The following WDPCP variants were observed in gnomAD, a reference collection of about 807,000 sequenced individuals.
WDPCP encodes WD repeat-containing and planar cell polarity effector protein fritz homolog.
In WDPCP, 71 loss-of-function variants were observed where a neutral mutation model predicts 93.1. The ratio of observed to expected loss-of-function variants is 0.76; its 90% CI spans 0.63 to 0.93. The LOEUF is 0.93. Ranked by LOEUF, WDPCP falls within the 40% of genes least tolerant of loss-of-function variation. The probability of loss-of-function intolerance (pLI) is 0.00; values close to 1 mark genes in which losing one functional copy is unlikely to be tolerated. For missense variants in WDPCP, 844 were observed against 887.4 expected (o/e 0.95, Z 0.62); for synonymous variants, 315 against 315.0 (o/e 1.00, Z 0.00).
At chr2:63,617,719 G>A (rs1558867538) in intron 3 of WDPCP, among the ~76,000 whole-genome samples, 4 of 152,104 alleles carry the variant, frequency 2.6e-5, no homozygotes, top group Admixed American at 2.6e-4. Flanking sequence ...CTTTACTAAT[G>A]AAAATTTCCT....
intron 1 of WDPCP, among the ~76,000 whole-genome samples, chr2:63,575,415 TAC>T (rs1422100172): frequency 8.9e-6 from 1 of 112,912 alleles, no homozygotes; most frequent in African/African-American, 4.6e-5. Flanking sequence ...ATACAGTATA[TAC>T]ACTGTATACA....
intron 13 of WDPCP, among the ~76,000 whole-genome samples, chr2:63,264,728 T>C (rs1239563503): frequency 6.6e-6 from 1 of 152,154 alleles, no homozygotes; most frequent in Non-Finnish European, 1.5e-5. Flanking sequence ...AAAATGGACC[T>C]AACAGATATT....
At chr2:63,645,216 G>C (rs1234091325) in intron 3 of WDPCP, among the ~76,000 whole-genome samples, 1 of 152,002 alleles carries the variant, frequency 6.6e-6, no homozygotes, top group Non-Finnish European at 1.5e-5. Flanking sequence ...ATTATAACTT[G>C]TCTCAAGAAA....
chr2:63,244,030 C>T (rs759841593), intron 14 of WDPCP, among the ~76,000 whole-genome samples: 5 of 151,904 alleles, frequency 3.3e-5, no homozygotes, highest in Middle Eastern at 3.2e-3. Flanking sequence ...TCATACCAAA[C>T]GACACTCTTA....
At chr2:63,140,439 C>A (rs1670974406) in intron 17 of WDPCP, among the ~76,000 whole-genome samples, 1 of 152,124 alleles carries the variant, frequency 6.6e-6, no homozygotes, top group African/African-American at 2.4e-5. Flanking sequence ...TCTACCCATT[C>A]ATGAGCATGG....
At chr2:63,706,807 G>A (rs565941549) in intron 2 of WDPCP, among the ~76,000 whole-genome samples, 2,507 of 151,390 alleles carry the variant, frequency 0.017, 20 homozygotes, top group African/African-American at 0.017. Context: ...TAGTAGAGAT[G>A]GGGTTTCACC....
intron 14 of WDPCP, among the ~76,000 whole-genome samples, chr2:63,209,486 A>G (rs1480121421): frequency 6.6e-6 from 1 of 152,212 alleles, no homozygotes; most frequent in Admixed American, 6.5e-5. Context: ...ACATTGCTTC[A>G]ACACCCACTG....
intron 1 of WDPCP, among the ~76,000 whole-genome samples, chr2:63,522,449 CAGACAG>C (rs1289295107): frequency 8.8e-6 from 1 of 114,224 alleles, no homozygotes; most frequent in Admixed American, 1.1e-4. Context: ...GACAGACAGA[CAGACAG>C]ACACACACAC....
At chr2:63,272,410 G>T (rs1364628112) in intron 13 of WDPCP, among the ~76,000 whole-genome samples, 1 of 152,120 alleles carries the variant, frequency 6.6e-6, no homozygotes, top group Non-Finnish European at 1.5e-5. Context: ...TAGATGTGCA[G>T]ATATCAACAT....
chr2:63,320,751 G>A (rs1327616275), intron 12 of WDPCP, among the ~76,000 whole-genome samples: 2 of 140,236 alleles, frequency 1.4e-5, no homozygotes, highest in Non-Finnish European at 3.0e-5. Context: ...ATCCAAAGAA[G>A]GAAGGAAAAG....
chr2:63,552,044 A>G (rs1422101228), intron 1 of WDPCP, among the ~76,000 whole-genome samples: 2 of 43,440 alleles, frequency 4.6e-5, no homozygotes, highest in Non-Finnish European at 4.0e-5. Context: ...TTCCTACCTC[A>G]GCTTCCTAAG....
chr2:63,812,376 T>C (rs1670876338), intron 2 of WDPCP, among the ~76,000 whole-genome samples: 1 of 152,224 alleles, frequency 6.6e-6, no homozygotes, highest in Non-Finnish European at 1.5e-5. Context: ...GATGAACAGG[T>C]AAGGCTGTGT....
At position 63,643,299 on chromosome 2, in the gene WDPCP, G is replaced by A. The variant is rs59148046; in HGVS notation, n.488+7360C>T. The A allele has an allele frequency of 6.8e-3, 2,481 of 362,590 alleles. 68 individuals are homozygous for A. Among genetic ancestry groups the A allele is most frequent in the African/African-American group, 0.049 (2,267 of 46,176 alleles). 22.5% of individuals were successfully genotyped at this position (362,590 alleles called of 1,614,324 possible). On this transcript the variant is annotated intron_variant and non_coding_transcript_variant, in intron 3 of 4. Transcript: ENST00000467687. ...TTCTCTGTTTGGCTGCCAGTCTCTCGTCTCTCTCTTCAGCAATGGTGAGGC... is the reference window on the plus strand; with the variant it reads ...TTCTCTGTTTGGCTGCCAGTCTCTCATCTCTCTCTTCAGCAATGGTGAGGC...
intron 6 of WDPCP, among the ~76,000 whole-genome samples, chr2:63,467,952 C>T (rs1464099237): frequency 6.6e-6 from 1 of 152,078 alleles, no homozygotes; most frequent in Non-Finnish European, 1.5e-5. Flanking sequence ...GGCTGTATGC[C>T]ACTCAGAACT....
intron 1 of WDPCP, among the ~76,000 whole-genome samples, chr2:63,544,621 T>G (rs577284169): frequency 6.6e-6 from 1 of 152,122 alleles, no homozygotes; most frequent in Non-Finnish European, 1.5e-5. Flanking sequence ...GGTGTATATC[T>G]CCTCTTCTCT....
At chr2:63,630,118 G>A (rs1208721211) in intron 3 of WDPCP, among the ~76,000 whole-genome samples, 1 of 151,800 alleles carries the variant, frequency 6.6e-6, no homozygotes, top group Non-Finnish European at 1.5e-5. Context: ...CAGCAACCAT[G>A]AAAAAATTAT....
intron 2 of WDPCP, among the ~76,000 whole-genome samples, chr2:63,728,966 T>C (rs1669524624): frequency 6.6e-6 from 1 of 152,248 alleles, no homozygotes; most frequent in African/African-American, 2.4e-5. Context: ...TCATATTTTC[T>C]AAGAACATAC....
chr2:63,487,439 TA>T lies in WDPCP; in HGVS notation c.208+7del. 6.3e-7 allele frequency: 1 copy of T among 1,580,286 alleles called. No individual in the cohort carries two copies. Among genetic ancestry groups the T allele is most frequent in the East Asian group, 2.2e-5 (1 of 44,574 alleles). On this transcript the variant is annotated splice_region_variant and intron_variant, in intron 3 of 17. Transcript: ENST00000272321. ...ATAAAAATTAATTGCACAGAATAGG[TA>T]CTTTACCTGGTGGATCTTTCTTGTC...
intron 2 of WDPCP, among the ~76,000 whole-genome samples, chr2:63,703,670 GGTACCA>G (rs1669099660): frequency 6.6e-6 from 1 of 151,908 alleles, no homozygotes; most frequent in African/African-American, 2.4e-5. Context: ...TCTCTGTTTT[GGTACCA>G]GTACCATGCT....
Sources: allele counts gnomAD v4.1 joint callset (sites outside exome capture counted in the v4.1 genomes callset), GRCh38; gene constraint gnomAD v4.1.1; transcripts MANE v1.5; gene names NCBI Gene and HGNC (gene_info 2026-07-23, HGNC 2026-07-21).